MACROD2: variants seen among roughly 807,000 people sequenced by gnomAD.
MACROD2 encodes mono-ADP ribosylhydrolase 2, also known as ADP-ribose glycohydrolase MACROD2.
Under a neutral mutation model 70.4 loss-of-function variants are expected in MACROD2, and 36 were observed. The ratio of observed to expected loss-of-function variants is 0.51; its 90% CI spans 0.39 to 0.68. The LOEUF is 0.68. Ranked by LOEUF, MACROD2 falls within the 30% of genes least tolerant of loss-of-function variation. MACROD2 has a pLI of 0.00. For missense variants in MACROD2, 496 were observed against 538.4 expected (o/e 0.92, Z 0.78); for synonymous variants, 172 against 178.8 (o/e 0.96, Z 0.30).
At chr20:15,872,612 A>G (rs1251531108) in intron 9 of MACROD2, among the ~76,000 whole-genome samples, 2 of 152,190 alleles carry the variant, frequency 1.3e-5, no homozygotes, top group South Asian at 2.1e-4. Context: ...AGTTCACTAG[A>G]TATGTACACC....
intron 4 of MACROD2, among the ~76,000 whole-genome samples, chr20:14,581,323 T>C (rs1352195187): frequency 6.6e-6 from 1 of 152,216 alleles, no homozygotes; most frequent in Non-Finnish European, 1.5e-5. Context: ...CAAATCAGAA[T>C]CTCTGATTGT....
chr20:15,537,500 G>A (rs1227892406), intron 8 of MACROD2, among the ~76,000 whole-genome samples: 2 of 139,614 alleles, frequency 1.4e-5, no homozygotes, highest in African/African-American at 5.4e-5. Flanking sequence ...TTGAGAGGGA[G>A]TGTCACTCTG....
chr20:14,188,148 C>T (rs1601327657), intron 3 of MACROD2, among the ~76,000 whole-genome samples: 1 of 152,078 alleles, frequency 6.6e-6, no homozygotes, highest in African/African-American at 2.4e-5. Context: ...GTCCACAGAC[C>T]ACTTGCGTTG....
chr20:14,489,987 G>T (rs1327528507), intron 3 of MACROD2, among the ~76,000 whole-genome samples: 1 of 151,782 alleles, frequency 6.6e-6, no homozygotes, highest in Non-Finnish European at 1.5e-5. Context: ...CAGCCTCCCG[G>T]CTCATGGTTG....
Position 14,658,726 on chromosome 20 carries a change from GGC to G in MACROD2, c.302-26116_302-26115del, listed in dbSNP as rs1986091355. On this transcript the variant is annotated intron_variant, in intron 4 of 17. Transcript: ENST00000684519. ...CCTACCAGGTTCAAGCAATTCTCCT[GGC>G]TCAGCCTCCTCAGTAGCTGGGAATA... Among the ~76,000 whole-genome samples the G allele has an allele frequency of 2.0e-5, 3 of 152,202 alleles. No homozygotes were observed. The South Asian group carries it at 6.2e-4, about 32-fold the overall frequency.
intron 5 of MACROD2, among the ~76,000 whole-genome samples, chr20:14,805,675 A>G (rs967490265): frequency 2.0e-5 from 3 of 152,080 alleles, no homozygotes; most frequent in Admixed American, 2.0e-4. Flanking sequence ...TCTCAACACT[A>G]TGCTATTATG....
At chr20:14,861,443 C>A (rs1287560817) in intron 5 of MACROD2, among the ~76,000 whole-genome samples, 1 of 152,022 alleles carries the variant, frequency 6.6e-6, no homozygotes, top group Non-Finnish European at 1.5e-5. Context: ...CAGTCACTGA[C>A]TAAGAGACAG....
chr20:15,509,492 G>T (rs577930032), intron 8 of MACROD2, among the ~76,000 whole-genome samples: 1 of 152,234 alleles, frequency 6.6e-6, no homozygotes, highest in African/African-American at 2.4e-5. Flanking sequence ...GTTGGGATTG[G>T]TATATCTGAA....
chr20:15,385,558 G>A (rs1166894459), intron 6 of MACROD2, among the ~76,000 whole-genome samples: 2 of 152,092 alleles, frequency 1.3e-5, no homozygotes, highest in Admixed American at 6.6e-5. Context: ...TGTTCTTGAC[G>A]TTAGTGTCGA....
chr20:14,846,387 C>A (rs2073140858), intron 5 of MACROD2, among the ~76,000 whole-genome samples: 1 of 151,812 alleles, frequency 6.6e-6, no homozygotes, highest in Non-Finnish European at 1.5e-5. Flanking sequence ...CCATGCCTGG[C>A]TAATTTTTTG....
At chr20:14,731,906 T>G (rs945367584) in intron 5 of MACROD2, among the ~76,000 whole-genome samples, 1 of 152,138 alleles carries the variant, frequency 6.6e-6, no homozygotes, top group African/African-American at 2.4e-5. Context: ...TCTCACTAAA[T>G]TTTTTGGTTT....
chr20:15,175,520 T>C (rs1248851365), intron 5 of MACROD2, among the ~76,000 whole-genome samples: 1 of 152,208 alleles, frequency 6.6e-6, no homozygotes, highest in African/African-American at 2.4e-5. Flanking sequence ...CACCCAGGTT[T>C]CTTGTATAAT....
At chr20:15,662,175 C>T (rs541812005) in intron 8 of MACROD2, among the ~76,000 whole-genome samples, 2 of 152,208 alleles carry the variant, frequency 1.3e-5, no homozygotes, top group South Asian at 2.1e-4. Context: ...CTGAAATTGT[C>T]TGTTTATTAT....
chr20:15,325,503 C>G (rs778429724), intron 6 of MACROD2, among the ~76,000 whole-genome samples: 9 of 152,064 alleles, frequency 5.9e-5, no homozygotes, highest in Non-Finnish European at 1.0e-4. Context: ...GGTTTTCAGA[C>G]AGCTCTGGGA....
At chr20:15,703,652 G>GGAGTGGC (rs2050492539) in intron 8 of MACROD2, among the ~76,000 whole-genome samples, 1 of 152,102 alleles carries the variant, frequency 6.6e-6, no homozygotes, top group Non-Finnish European at 1.5e-5. Context: ...CAGAGTCTGG[G>GGAGTGGC]GAGTGGCTTA....
intron 17 of MACROD2, among the ~76,000 whole-genome samples, chr20:16,046,110 G>T (rs2067377058): frequency 6.6e-6 from 1 of 152,114 alleles, no homozygotes; most frequent in Admixed American, 6.5e-5. Flanking sequence ...GCATGTTCTT[G>T]ATGGTTCTCT....
chr20:15,346,940 G>C (rs1301896820), intron 6 of MACROD2, among the ~76,000 whole-genome samples: 3 of 152,152 alleles, frequency 2.0e-5, no homozygotes, highest in East Asian at 3.9e-4. Context: ...AGTAGGCAAA[G>C]CTGGCTTGGG....
At chr20:15,174,339 T>C (rs2076443972) in intron 5 of MACROD2, among the ~76,000 whole-genome samples, 1 of 152,240 alleles carries the variant, frequency 6.6e-6, no homozygotes, top group Non-Finnish European at 1.5e-5. Context: ...AGCACATATT[T>C]TTTAAGTAAA....
chr20:14,068,783 AT>A (rs892391625), intron 2 of MACROD2, among the ~76,000 whole-genome samples: 1 of 152,172 alleles, frequency 6.6e-6, no homozygotes, highest in Non-Finnish European at 1.5e-5. Context: ...GGCTGATAAG[AT>A]TGGAACTATC....
Sources: allele counts gnomAD v4.1 joint callset (sites outside exome capture counted in the v4.1 genomes callset), GRCh38; gene constraint gnomAD v4.1.1; transcripts MANE v1.5; gene names NCBI Gene and HGNC (gene_info 2026-07-23, HGNC 2026-07-21).